UNC13B: variants seen among roughly 807,000 people sequenced by gnomAD.
UNC13B encodes the protein protein unc-13 homolog B.
A neutral mutation model predicts 211.0 loss-of-function variants in UNC13B; 144 were observed. The observed-to-expected ratio is 0.68, with a 90% CI of 0.60 to 0.78. The LOEUF is 0.78. Ranked by LOEUF, UNC13B falls within the 30% of genes least tolerant of loss-of-function variation. UNC13B has a pLI of 0.00. For missense variants in UNC13B, 1,777 were observed against 2,002.0 expected, an observed-to-expected ratio of 0.89 and a Z score of 2.14; for synonymous variants, 709 against 725.8, an observed-to-expected ratio of 0.98 and a Z score of 0.37.
intron 7 of UNC13B, among the ~76,000 whole-genome samples, chr9:35,278,827 G>A (rs1587528348): frequency 6.6e-6 from 1 of 151,912 alleles, no homozygotes; most frequent in Non-Finnish European, 1.5e-5. Flanking sequence ...CTGTCCTTTA[G>A]CCATACAGTT....
At chr9:35,235,339 G>A (rs2131524291) in intron 3 of UNC13B, among the ~76,000 whole-genome samples, 1 of 152,246 alleles carries the variant, frequency 6.6e-6, no homozygotes, top group Non-Finnish European at 1.5e-5. Context: ...GTGTGAACTA[G>A]CACACTCTAG....
chr9:35,387,174 G>A (rs1040345416), intron 24 of UNC13B, among the ~76,000 whole-genome samples: 4 of 152,264 alleles, frequency 2.6e-5, no homozygotes, highest in East Asian at 3.9e-4. Context: ...TTCCAAGGAG[G>A]AAGAGTCTTT....
At chr9:35,198,572 T>C (rs543608599) in intron 1 of UNC13B, among the ~76,000 whole-genome samples, 1 of 152,306 alleles carries the variant, frequency 6.6e-6, no homozygotes, top group African/African-American at 2.4e-5. Flanking sequence ...GCTATAAAGA[T>C]ACCTGAAAAT....
chr9:35,206,840 C>T (rs976257126), intron 1 of UNC13B, among the ~76,000 whole-genome samples: 1 of 145,560 alleles, frequency 6.9e-6, no homozygotes, highest in African/African-American at 2.6e-5. Context: ...CGCCACTGCA[C>T]TCCAGCCTGG....
chr9:35,390,662 C>T lies in UNC13B; in HGVS notation c.11256C>T (p.Ser3752=), dbSNP rs145345718. The change falls in exon 26 of 40, where the codon AGC becomes AGT. Residue 3752 remains serine (S), a synonymous_variant. Coordinates refer to ENST00000635942, the MANE Select transcript of UNC13B (RefSeq NM_001371189.2). ...AGGAGTTGAATGTGGGAAAAGTCAG[C>T]GCAGAAGTGATGTGGCATTTGTTTG... ...FPQELNVGKV[S]AEVMWHLFAQ... The T allele has an allele frequency of 2.5e-3, 3,963 of 1,614,062 alleles. 17 individuals carry two copies. The highest frequency in any genetic ancestry group is 6.4e-3 in the Middle Eastern group (39 of 6,060).
intron 5 of UNC13B, among the ~76,000 whole-genome samples, chr9:35,242,124 T>G (rs1825845382): frequency 6.6e-6 from 1 of 152,164 alleles, no homozygotes; most frequent in African/African-American, 2.4e-5. Context: ...GTTGTTATAG[T>G]CAATGTAAAA....
chr9:35,289,904 G>C (rs1829001597), intron 7 of UNC13B, among the ~76,000 whole-genome samples: 1 of 151,994 alleles, frequency 6.6e-6, no homozygotes, highest in Non-Finnish European at 1.5e-5. Flanking sequence ...TTGAACCTGG[G>C]GACAGAGGTT....
chr9:35,377,120 A>G (rs1834471566), intron 15 of UNC13B, among the ~76,000 whole-genome samples: 1 of 152,246 alleles, frequency 6.6e-6, no homozygotes, highest in Admixed American at 6.5e-5. Context: ...AAAGGGGACC[A>G]GGGAGAGGCC....
chr9:35,378,337 C>T lies in UNC13B; in HGVS notation c.10106C>T (p.Ser3369Phe), dbSNP rs765689076. 1 of 1,614,138 alleles carries T rather than the reference C, an allele frequency of 6.2e-7. No individual in the cohort carries two copies. The highest frequency in any genetic ancestry group is 1.1e-5 in the South Asian group (1 of 91,076). The change falls in exon 17 of 40, where the codon TCC (serine) becomes TTC (phenylalanine). Residue 3369 changes from serine to phenylalanine, a missense_variant. By Grantham distance (155) the Ser-to-Phe change is radical. Coordinates refer to ENST00000635942, the MANE Select transcript of UNC13B (RefSeq NM_001371189.2). ...CTACAAGCCAAGGACAAAACAGGATCCAGTGACCCTTACGTGACTGTGCAA... is the reference window on the plus strand; with the variant it reads ...CTACAAGCCAAGGACAAAACAGGATTCAGTGACCCTTACGTGACTGTGCAA... ...QGLQAKDKTG[S>F]SDPYVTVQVS...
At chr9:35,195,031 G>A (rs1347521520) in intron 1 of UNC13B, among the ~76,000 whole-genome samples, 1 of 152,066 alleles carries the variant, frequency 6.6e-6, no homozygotes, top group Admixed American at 6.6e-5. Context: ...GGTTCAATCA[G>A]GTGTGAGCTT....
At chr9:35,251,769 T>G (rs1826505941) in intron 6 of UNC13B, among the ~76,000 whole-genome samples, 1 of 152,178 alleles carries the variant, frequency 6.6e-6, no homozygotes, top group African/African-American at 2.4e-5. Flanking sequence ...CTAGAAGATG[T>G]GTTTTCATAG....
chr9:35,267,745 C>T (rs1440871753), intron 7 of UNC13B, among the ~76,000 whole-genome samples: 4 of 152,116 alleles, frequency 2.6e-5, no homozygotes, highest in Non-Finnish European at 5.9e-5. Context: ...CCAAAGGTTA[C>T]TTTTGGGGAC....
chr9:35,255,676 G>A (rs1429917729), intron 6 of UNC13B, among the ~76,000 whole-genome samples: 1 of 152,084 alleles, frequency 6.6e-6, no homozygotes, highest in African/African-American at 2.4e-5. Context: ...GATGGGTGGT[G>A]TCAGCTGATT....
intron 1 of UNC13B, among the ~76,000 whole-genome samples, chr9:35,176,043 AAAG>A (rs1265583110): frequency 2.6e-5 from 4 of 151,154 alleles, no homozygotes; most frequent in Non-Finnish European, 5.9e-5. Context: ...AAAAAAAAAA[AAAG>A]AGTAGTCTTA....
chr9:35,392,223 A>G (rs1835580106), intron 26 of UNC13B, among the ~76,000 whole-genome samples: 1 of 152,244 alleles, frequency 6.6e-6, no homozygotes, highest in Admixed American at 6.5e-5. Flanking sequence ...TCTTAAGAAC[A>G]ATAAGAAACC....
At chr9:35,296,409 A>G (rs1829362591) in intron 8 of UNC13B, among the ~76,000 whole-genome samples, 1 of 152,258 alleles carries the variant, frequency 6.6e-6, no homozygotes, top group Admixed American at 6.5e-5. Flanking sequence ...AATATATAAA[A>G]CAATTATGTG....
At chr9:35,390,080 C>T in intron 25 of UNC13B, 107 bp downstream of exon 25, 2 of 1,538,770 alleles carry the variant, frequency 1.3e-6, no homozygotes, top group East Asian at 4.5e-5. Context: ...ACCTCTTCTT[C>T]CTGTCCATCC....
chr9:35,309,802 C>T (rs1028023415), intron 9 of UNC13B, among the ~76,000 whole-genome samples: 5 of 152,146 alleles, frequency 3.3e-5, no homozygotes, highest in South Asian at 2.1e-4. Context: ...ATCTTTGGGA[C>T]GCTTCCTATG....
At chr9:35,218,434 A>G (rs1354613157) in intron 1 of UNC13B, among the ~76,000 whole-genome samples, 2 of 152,124 alleles carry the variant, frequency 1.3e-5, no homozygotes, top group Admixed American at 6.5e-5. Context: ...AGCTCAATAT[A>G]TTTATTTATT....
Sources: gnomAD v4.1 joint callset for allele counts (sites outside exome capture counted in the v4.1 genomes callset) on GRCh38, gnomAD v4.1.1 for gene constraint, MANE v1.5 for transcripts, NCBI Gene and HGNC (gene_info 2026-07-23, HGNC 2026-07-21) for gene names.